Variants in PPFIA2 observed in about 807,000 individuals in gnomAD.
PPFIA2 encodes liprin-alpha-2.
In PPFIA2, 46 loss-of-function variants were observed where a neutral mutation model predicts 175.5. That is an observed-to-expected ratio of 0.26 (90% CI 0.21 to 0.34). PPFIA2 has a LOEUF of 0.34. PPFIA2 is among the 10% of genes least tolerant of loss of function. PPFIA2 has a pLI of 1.00. For synonymous variants in PPFIA2, 568 were observed against 511.4 expected (o/e 1.11, Z -1.49); for missense variants, 1,179 against 1,506.1 (o/e 0.78, Z 3.60).
intron 5 of PPFIA2, among the ~76,000 whole-genome samples, chr12:81,450,012 G>A (rs1429249618): frequency 1.3e-5 from 2 of 151,974 alleles, no homozygotes; most frequent in East Asian, 3.9e-4. Flanking sequence ...GTTTATATGT[G>A]CCACATTTTC....
chr12:81,420,831 A>C (rs563894991), intron 7 of PPFIA2, among the ~76,000 whole-genome samples: 3 of 152,240 alleles, frequency 2.0e-5, no homozygotes, highest in Non-Finnish European at 4.4e-5. Flanking sequence ...AAAAGTTCCC[A>C]AATAAGATCA....
intron 3 of PPFIA2, among the ~76,000 whole-genome samples, chr12:81,705,734 T>A (rs2077056787): frequency 6.6e-6 from 1 of 152,154 alleles, no homozygotes; most frequent in Admixed American, 6.5e-5. Context: ...GTGATTCAGT[T>A]GATTATTTTG....
intron 4 of PPFIA2, among the ~76,000 whole-genome samples, chr12:81,539,766 A>G (rs1192692456): frequency 6.6e-6 from 1 of 152,086 alleles, no homozygotes; most frequent in South Asian, 2.1e-4. Context: ...GCAGTCCCTC[A>G]TTGAGCTCAA....
chr12:81,703,697 C>A (rs1394007333), intron 3 of PPFIA2, among the ~76,000 whole-genome samples: 1 of 152,064 alleles, frequency 6.6e-6, no homozygotes, highest in African/African-American at 2.4e-5. Context: ...AATCCCGTGC[C>A]TTGGCTACAC....
chr12:81,267,417 A>G (rs1249907821), intron 29 of PPFIA2, among the ~76,000 whole-genome samples: 1 of 152,182 alleles, frequency 6.6e-6, no homozygotes, highest in African/African-American at 2.4e-5. Context: ...ATTTGAGGAA[A>G]GTTTTGATAA....
Position 81,712,189 on chromosome 12 carries a change from G to C in PPFIA2, c.250-35345C>G, listed in dbSNP as rs150496840. Among the ~76,000 whole-genome samples the C allele has an allele frequency of 4.6e-3, 693 of 151,298 alleles. 12 individuals are homozygous for C. The highest frequency in any genetic ancestry group is 0.016 in the African/African-American group (651 of 41,490). On this transcript the variant is annotated intron_variant, in intron 3 of 32. Transcript: ENST00000549396. ...TCAATAACTACTATGCTGGTTGAAA[G>C]AAAAAGCAAAATTTGAGTTTCACAT...
At chr12:81,316,946 A>G (rs2052505980) in intron 22 of PPFIA2, among the ~76,000 whole-genome samples, 1 of 151,648 alleles carries the variant, frequency 6.6e-6, no homozygotes, top group Non-Finnish European at 1.5e-5. Context: ...TTTTTGTATA[A>G]CACAGTGCCT....
chr12:81,368,218 C>G (rs2141432339), intron 13 of PPFIA2: 1 of 1,193,014 alleles, frequency 8.4e-7, no homozygotes, highest in East Asian at 5.7e-5. Context: ...TGTACAGAAG[C>G]ACTATTTCTG....
intron 18 of PPFIA2, among the ~76,000 whole-genome samples, chr12:81,346,096 T>C (rs1449031139): frequency 6.6e-6 from 1 of 152,208 alleles, no homozygotes; most frequent in Non-Finnish European, 1.5e-5. Context: ...ATAAGTTTTA[T>C]GGCTTGGAAG....
chr12:81,678,251 C>A (rs1465427737), intron 3 of PPFIA2, among the ~76,000 whole-genome samples: 1 of 151,612 alleles, frequency 6.6e-6, no homozygotes, highest in Admixed American at 6.6e-5. Flanking sequence ...AATTTAAATG[C>A]CTATGATGAG....
At chr12:81,607,034 T>A (rs1012650930) in intron 4 of PPFIA2, among the ~76,000 whole-genome samples, 1 of 152,146 alleles carries the variant, frequency 6.6e-6, no homozygotes, top group Non-Finnish European at 1.5e-5. Flanking sequence ...TACATGTGGC[T>A]AGCCCGTTAT....
chr12:81,690,862 G>A (rs1164545694), intron 3 of PPFIA2, among the ~76,000 whole-genome samples: 1 of 151,982 alleles, frequency 6.6e-6, no homozygotes, highest in African/African-American at 2.4e-5. Context: ...TTGGCTTATG[G>A]CCTCTTCCTC....
At chr12:81,308,439 G>A (rs541165863) in intron 22 of PPFIA2, among the ~76,000 whole-genome samples, 70 of 152,214 alleles carry the variant, frequency 4.6e-4, no homozygotes, top group African/African-American at 1.6e-3. Flanking sequence ...TGGAACCGTC[G>A]AGGTGCAGAA....
At chr12:81,734,012 T>C (rs1239426381) in intron 3 of PPFIA2, among the ~76,000 whole-genome samples, 1 of 151,788 alleles carries the variant, frequency 6.6e-6, no homozygotes, top group African/African-American at 2.4e-5. Context: ...GAGGGCTGTG[T>C]CTTCTGAAAA....
intron 4 of PPFIA2, among the ~76,000 whole-genome samples, chr12:81,469,813 G>A (rs924154602): frequency 6.6e-6 from 1 of 152,166 alleles, no homozygotes; most frequent in Non-Finnish European, 1.5e-5. Context: ...GGAACGTTGG[G>A]AAATCATTAG....
At chr12:81,355,095 T>C (rs1277007727) in intron 16 of PPFIA2, among the ~76,000 whole-genome samples, 1 of 152,174 alleles carries the variant, frequency 6.6e-6, no homozygotes, top group African/African-American at 2.4e-5. Flanking sequence ...GAAATGTATT[T>C]CTTAAGTTAT....
intron 8 of PPFIA2, among the ~76,000 whole-genome samples, chr12:81,394,143 CAAACAAA>C (rs1418684665): frequency 6.6e-6 from 1 of 151,884 alleles, no homozygotes; most frequent in Non-Finnish European, 1.5e-5. Context: ...GAATTGTAAA[CAAACAAA>C]AAACAAAAAC....
At chr12:81,292,796 A>C (rs1428354998) in intron 24 of PPFIA2, 1 of 151,990 alleles carries the variant, frequency 6.6e-6, no homozygotes, top group East Asian at 1.9e-4. Flanking sequence ...TGTATTCTAA[A>C]TTGTCTTTTA....
chr12:81,408,898 CA>C lies in PPFIA2; in HGVS notation c.646-2996del, dbSNP rs562224972. Among the ~76,000 whole-genome samples the C allele has an allele frequency of 2.6e-3, 394 of 152,198 alleles. 1 individual carries two copies. Among genetic ancestry groups the C allele is most frequent in the African/African-American group, 9.1e-3 (380 of 41,536 alleles). ...AAATTATCCTGGGTAGTTATGAAACCAAAGTTTCAGCACCTGATTTAATTGT... is the reference window on the plus strand; with the variant it reads ...AAATTATCCTGGGTAGTTATGAAACCAAGTTTCAGCACCTGATTTAATTGT... On this transcript the variant is annotated intron_variant, in intron 7 of 32. Transcript: ENST00000549396.
Sources: allele counts gnomAD v4.1 joint callset (sites outside exome capture counted in the v4.1 genomes callset), GRCh38; gene constraint gnomAD v4.1.1; transcripts MANE v1.5; gene names NCBI Gene and HGNC (gene_info 2026-07-23, HGNC 2026-07-21).